The following RBMS3 variants were observed in gnomAD, a reference collection of about 807,000 sequenced individuals.
RBMS3 encodes RNA-binding motif, single-stranded-interacting protein 3.
In RBMS3, 27 loss-of-function variants were observed where a neutral mutation model predicts 66.8. That is an observed-to-expected ratio of 0.40 (90% CI 0.30 to 0.56). The LOEUF (loss-of-function observed/expected upper bound fraction) is 0.56. Among genes scored for constraint, RBMS3 ranks in the 20% least tolerant of loss-of-function variants. The pLI is 0.40. For synonymous variants in RBMS3, 188 were observed against 183.0 expected, an observed-to-expected ratio of 1.03 and a Z score of -0.22; for missense variants, 513 against 549.5, an observed-to-expected ratio of 0.93 and a Z score of 0.66.
rs150821777 is a variant in RBMS3 at position 29,586,865 on chromosome 3, G to A, written c.308-249G>A. On this transcript the variant is annotated intron_variant, in intron 3 of 14. Transcript: ENST00000383767. Reference sequence around the variant, plus strand: ...TACTCACCAAATTAGGTTAAATTGGGTTACTGATTCTACACCCAATCTCCA... The same window carrying A: ...TACTCACCAAATTAGGTTAAATTGGATTACTGATTCTACACCCAATCTCCA... Among the ~76,000 whole-genome samples, 264 of 152,070 alleles carry A rather than the reference G, an allele frequency of 1.7e-3. 8 individuals are homozygous for A. In the South Asian group the frequency reaches 0.043, roughly 25 times the overall value.
At chr3:29,851,022 T>G (rs1193411402) in intron 6 of RBMS3, among the ~76,000 whole-genome samples, 1 of 152,338 alleles carries the variant, frequency 6.6e-6, no homozygotes, top group East Asian at 1.9e-4. Flanking sequence ...TTTCCAAAGA[T>G]TGCTCCCTCC....
chr3:29,811,766 T>A (rs1308359338), intron 6 of RBMS3, among the ~76,000 whole-genome samples: 2 of 152,148 alleles, frequency 1.3e-5, no homozygotes, highest in Non-Finnish European at 2.9e-5. Flanking sequence ...CTTTTGTCCA[T>A]TAGGATAAAG....
chr3:29,512,138 A>C (rs547110863), intron 3 of RBMS3, among the ~76,000 whole-genome samples: 1 of 152,162 alleles, frequency 6.6e-6, no homozygotes, highest in Non-Finnish European at 1.5e-5. Flanking sequence ...CAAGAGAAAG[A>C]AAAAATGGGA....
intron 12 of RBMS3, among the ~76,000 whole-genome samples, chr3:29,960,363 C>T (rs931823774): frequency 6.6e-6 from 1 of 152,196 alleles, no homozygotes. Context: ...CAGCTTTGCC[C>T]CTGTGGCTTT....
intron 3 of RBMS3, among the ~76,000 whole-genome samples, chr3:29,519,214 G>A (rs1576094026): frequency 6.6e-6 from 1 of 152,194 alleles, no homozygotes; most frequent in East Asian, 1.9e-4. Flanking sequence ...ACTTATTTTG[G>A]TATAGAAACT....
chr3:29,533,642 T>G (rs1005401150), intron 3 of RBMS3, among the ~76,000 whole-genome samples: 3 of 152,104 alleles, frequency 2.0e-5, no homozygotes, highest in Non-Finnish European at 4.4e-5. Context: ...TGGGGCATGA[T>G]GGCACATGCC....
At chr3:29,380,212 T>TCTCACA (rs143804334) in intron 1 of RBMS3, among the ~76,000 whole-genome samples, 1 of 149,206 alleles carries the variant, frequency 6.7e-6, no homozygotes, top group Admixed American at 6.7e-5. Context: ...TAGGGGAATC[T>TCTCACA]CACACACACA....
chr3:29,415,026 G>T (rs2040424160), intron 1 of RBMS3, among the ~76,000 whole-genome samples: 2 of 152,152 alleles, frequency 1.3e-5, no homozygotes, highest in Admixed American at 1.3e-4. Flanking sequence ...TAAATGCTGA[G>T]AAGGACAATT....
chr3:29,930,109 C>CTTT lies in RBMS3; in HGVS notation c.940-5959_940-5957dup, dbSNP rs775548425. On this transcript the variant is annotated intron_variant, in intron 10 of 14. Coordinates refer to ENST00000383767, the MANE Select transcript of RBMS3 (RefSeq NM_001003793.3). ...TACTTTGTGTCACTTTTCTTTCTTT[C>CTTT]TTTTTTTTTTTTTTTTTTTTGAGAT... 2.1e-4 allele frequency among the ~76,000 whole-genome samples: 9 copies of CTTT among 43,544 alleles called. 1 individual carries two copies. Among genetic ancestry groups the CTTT allele is most frequent in the African/African-American group, 4.4e-4 (7 of 15,832 alleles). 28.6% of individuals were successfully genotyped at this position (43,544 alleles called of 152,430 possible).
At chr3:29,482,803 G>T (rs1403539156) in intron 2 of RBMS3, among the ~76,000 whole-genome samples, 1 of 138,724 alleles carries the variant, frequency 7.2e-6, no homozygotes, top group Non-Finnish European at 1.5e-5. Context: ...TGCCTCCCAG[G>T]TTCAAGTGAT....
chr3:29,610,224 A>G (rs1323916021), intron 4 of RBMS3, among the ~76,000 whole-genome samples: 1 of 152,066 alleles, frequency 6.6e-6, no homozygotes, highest in Non-Finnish European at 1.5e-5. Flanking sequence ...ACACTCTAGA[A>G]TGAATATGAC....
At chr3:29,314,180 T>A (rs771916897) in intron 1 of RBMS3, among the ~76,000 whole-genome samples, 6 of 151,736 alleles carry the variant, frequency 4.0e-5, no homozygotes, top group Non-Finnish European at 7.4e-5. Flanking sequence ...ATAGCAACCT[T>A]GTGGTAAAAA....
intron 3 of RBMS3, among the ~76,000 whole-genome samples, chr3:29,545,311 T>C (rs1315046878): frequency 6.6e-6 from 1 of 152,138 alleles, no homozygotes; most frequent in African/African-American, 2.4e-5. Flanking sequence ...TTAGAAATAA[T>C]TTCATTTTCT....
At chr3:29,443,346 G>T (rs1056546505) in intron 2 of RBMS3, among the ~76,000 whole-genome samples, 7 of 152,042 alleles carry the variant, frequency 4.6e-5, no homozygotes, top group Non-Finnish European at 8.8e-5. Flanking sequence ...ACCAAGCACT[G>T]CAGATATCTT....
intron 6 of RBMS3, among the ~76,000 whole-genome samples, chr3:29,773,507 C>T (rs2056300059): frequency 6.6e-6 from 1 of 151,902 alleles, no homozygotes; most frequent in South Asian, 2.1e-4. Context: ...CATTTTGGAC[C>T]AGAGGTTTAT....
intron 1 of RBMS3, among the ~76,000 whole-genome samples, chr3:29,333,535 C>T (rs1244425801): frequency 2.6e-5 from 4 of 152,164 alleles, no homozygotes; most frequent in Admixed American, 2.0e-4. Context: ...CTGCTTTCAA[C>T]CTACAGGGCA....
chr3:29,625,733 TAAATAA>T (rs1225319769), intron 4 of RBMS3, among the ~76,000 whole-genome samples: 45 of 150,582 alleles, frequency 3.0e-4, no homozygotes, highest in South Asian at 8.5e-4. Context: ...AATAAATAAA[TAAATAA>T]AAATAATCTT....
chr3:29,342,630 G>C (rs12493838), intron 1 of RBMS3, among the ~76,000 whole-genome samples: 14,693 of 152,180 alleles, frequency 0.097, 824 homozygotes, highest in Non-Finnish European at 0.12. Context: ...ATATTATCAA[G>C]TGGGTAGGGA....
At chr3:29,488,330 T>C in intron 2 of RBMS3, 111 bp from the exon 3 acceptor site, 1 of 778,748 alleles carries the variant, frequency 1.3e-6, no homozygotes. Context: ...CAGAGCTTGT[T>C]TTCTTGGTTT....
Sources: allele counts gnomAD v4.1 joint callset (sites outside exome capture counted in the v4.1 genomes callset), GRCh38; gene constraint gnomAD v4.1.1; transcripts MANE v1.5; gene names NCBI Gene and HGNC (gene_info 2026-07-23, HGNC 2026-07-21).